The following XPOT variants were observed in gnomAD, a reference collection of about 807,000 sequenced individuals.
The protein encoded by XPOT is exportin-T.
In XPOT, 34 loss-of-function variants were observed where a neutral mutation model predicts 128.2. The observed-to-expected ratio is 0.27, with a 90% CI of 0.20 to 0.35. The LOEUF is 0.35. XPOT is among the 10% of genes least tolerant of loss of function. The pLI is 1.00. For missense variants in XPOT, 838 were observed against 1,125.3 expected, an observed-to-expected ratio of 0.74 and a Z score of 3.65; for synonymous variants, 348 against 394.3, an observed-to-expected ratio of 0.88 and a Z score of 1.39.
intron 2 of XPOT, 56 bp downstream of exon 2, chr12:64,410,151 G>C (rs1370576009): frequency 1.3e-6 from 2 of 1,547,326 alleles, no homozygotes; most frequent in African/African-American, 2.7e-5. Context: ...TGGCATTAGA[G>C]GACTTGAATA....
At chr12:64,427,210 CCT>C (rs1213238335) in intron 15 of XPOT, among the ~76,000 whole-genome samples, 2 of 150,584 alleles carry the variant, frequency 1.3e-5, no homozygotes, top group African/African-American at 4.9e-5. Context: ...ACCCCTGCCT[CCT>C]GGGTTGAAGC....
At chr12:64,413,733 T>A (rs1043097564) in intron 2 of XPOT, among the ~76,000 whole-genome samples, 3 of 152,190 alleles carry the variant, frequency 2.0e-5, no homozygotes, top group Non-Finnish European at 2.9e-5. Context: ...AAAATAACTT[T>A]ACATCTCGAT....
intron 4 of XPOT, 123 bp from the exon 5 acceptor site, chr12:64,417,923 T>G: frequency 1.6e-6 from 1 of 632,486 alleles, no homozygotes; most frequent in Non-Finnish European, 2.6e-6. Context: ...CAGTTTATGT[T>G]AGGGAACTTC....
rs1266886465 is a variant in XPOT at position 64,431,540 on chromosome 12, G to A, written c.1979G>A (p.Arg660Gln). 3.1e-6 allele frequency: 5 copies of A among 1,611,556 alleles called. No individual in the cohort carries two copies. The highest frequency in any genetic ancestry group is 2.2e-5 in the East Asian group (1 of 44,822). Reference sequence around the variant, plus strand: ...TTGCCTGATTTTTGCTTATATAGTCGAACCAGTAAAGCTTTCAGCAACAAA... The same window carrying A: ...TTGCCTGATTTTTGCTTATATAGTCAAACCAGTAAAGCTTTCAGCAACAAA... ...CLNHAVGFAS[R>Q]TSKAFSNKQT... The change falls in exon 18 of 25, where the codon CGA becomes CAA. Residue 660 changes from arginine to glutamine, a missense_variant and splice_region_variant. Arg to Gln is a conservative substitution (Grantham distance 43). This residue lies in a region of XPOT where 761 missense variants were observed against 988.3 expected (regional missense o/e 0.77). Coordinates refer to ENST00000332707, the MANE Select transcript of XPOT (RefSeq NM_007235.6).
At chr12:64,435,387 T>C (rs1041013527) in intron 21 of XPOT, among the ~76,000 whole-genome samples, 4 of 152,238 alleles carry the variant, frequency 2.6e-5, no homozygotes, top group Non-Finnish European at 5.9e-5. Flanking sequence ...GATTTCATAA[T>C]TGTAATTTAC....
At chr12:64,443,283 T>C (rs2040341491) in intron 23 of XPOT, 1 of 152,218 alleles carries the variant, frequency 6.6e-6, no homozygotes, top group South Asian at 2.1e-4. Context: ...ATCACCCTGG[T>C]CTGGGTATTG....
chr12:64,423,295 A>G (rs752672504), intron 11 of XPOT, 51 bp downstream of exon 11: 7 of 1,182,268 alleles, frequency 5.9e-6, no homozygotes, highest in Non-Finnish European at 8.3e-6. Flanking sequence ...TTATTATTAT[A>G]TCAAATTAAT....
rs768469590 is a variant in XPOT, at chr12:64,418,011, T to C, written c.201-35T>C. 5.2e-6 allele frequency: 8 copies of C among 1,543,172 alleles called. No individual in the cohort carries two copies. The East Asian group carries it at 1.1e-4, about 22-fold the overall frequency. ...TTTTTACAACCATAGACACCAAATA[T>C]AGCCATTATTCTTTTTCTTCTCTAT... On this transcript the variant is annotated intron_variant, in intron 4 of 24. Coordinates refer to ENST00000332707, the MANE Select transcript of XPOT (RefSeq NM_007235.6).
At chr12:64,422,019 A>G (rs767090669) in intron 9 of XPOT, among the ~76,000 whole-genome samples, 16 of 152,120 alleles carry the variant, frequency 1.1e-4, no homozygotes, top group Non-Finnish European at 1.8e-4. Context: ...CATGTTGGTC[A>G]GGCTGGTCTT....
intron 2 of XPOT, among the ~76,000 whole-genome samples, chr12:64,412,316 C>T (rs555865736): frequency 1.1e-4 from 16 of 152,128 alleles, no homozygotes; most frequent in African/African-American, 2.7e-4. Context: ...TGACTCACCG[C>T]GCCCAGCCTC....
intron 1 of XPOT, among the ~76,000 whole-genome samples, chr12:64,406,476 C>G (rs2136006505): frequency 6.6e-6 from 1 of 152,232 alleles, no homozygotes; most frequent in South Asian, 2.1e-4. Flanking sequence ...TCAAGCGATT[C>G]TCCTGCCTCA....
chr12:64,415,029 G>A, intron 3 of XPOT, 40 bp downstream of exon 3: 1 of 1,275,728 alleles, frequency 7.8e-7, no homozygotes, highest in Non-Finnish European at 1.1e-6. Flanking sequence ...TTAAATTTCT[G>A]TGGACATGAC....
Position 64,418,937 on chromosome 12 carries a change from T to A in XPOT, c.332T>A (p.Leu111Ter). The A allele has an allele frequency of 6.2e-7, 1 of 1,614,094 alleles. No individual in the cohort carries two copies. Among genetic ancestry groups the A allele is most frequent in the Non-Finnish European group, 8.5e-7 (1 of 1,179,974 alleles). ...AATAAAGCCGCCCAAGTCTTCGCCT[T>A]GCTTTTTGTTACAGAGTATCTCACT... Reference protein sequence around the residue: ...IRNKAAQVFALLFVTEYLTKW... With the variant: ...IRNKAAQVFA The change falls in exon 6 of 25, where the codon TTG (leucine) becomes TAG (stop). Residue 111 changes from leucine to a stop codon, truncating the protein, a stop_gained. Coordinates refer to ENST00000332707, the MANE Select transcript of XPOT (RefSeq NM_007235.6). LOFTEE classifies it high-confidence loss of function.
At chr12:64,430,323 G>A (rs2040228677) in intron 17 of XPOT, 36 bp downstream of exon 17, 2 of 1,476,718 alleles carry the variant, frequency 1.4e-6, no homozygotes, top group Admixed American at 4.6e-5. Context: ...TAAAGTGCAT[G>A]TATCTACACA....
chr12:64,435,590 T>C (rs377013142), intron 21 of XPOT, 37 bp from the exon 22 acceptor site: 9 of 1,567,058 alleles, frequency 5.7e-6, no homozygotes, highest in Non-Finnish European at 6.9e-6. Context: ...TAAACAAGAA[T>C]TGAATATATA....
At chr12:64,443,426 A>G (rs1490804821) in intron 23 of XPOT, 1 of 152,230 alleles carries the variant, frequency 6.6e-6, no homozygotes, top group Non-Finnish European at 1.5e-5. Flanking sequence ...TCTTCAGTCC[A>G]TGAACACAGC....
intron 24 of XPOT, among the ~76,000 whole-genome samples, chr12:64,447,047 G>A (rs2040372027): frequency 6.6e-6 from 1 of 152,148 alleles, no homozygotes; most frequent in Non-Finnish European, 1.5e-5. Context: ...CATCTTACGT[G>A]GATGGCAGCA....
intron 16 of XPOT, among the ~76,000 whole-genome samples, chr12:64,428,463 C>T (rs1254852936): frequency 1.3e-5 from 2 of 152,006 alleles, no homozygotes; most frequent in African/African-American, 4.8e-5. Context: ...AAAAATTCAA[C>T]TTCTAAATTA....
rs138366346 is a variant in XPOT, at chr12:64,445,789, T to C, written c.2862+658T>C. 5.0e-3 allele frequency among the ~76,000 whole-genome samples: 761 copies of C among 152,294 alleles called. 8 individuals carry two copies. The highest frequency in any genetic ancestry group is 7.9e-3 in the Non-Finnish European group (534 of 68,018). ...TCATGATCTAGAAATAAAGTTACAG[T>C]GTGACAAGGTGAATTATTTTTTATT... On this transcript the variant is annotated intron_variant, in intron 24 of 24. Transcript: ENST00000332707.
Sources: gnomAD v4.1 joint callset for allele counts (sites outside exome capture counted in the v4.1 genomes callset) on GRCh38, gnomAD v4.1.1 for gene constraint, gnomAD v4.1.1 regional missense constraint, MANE v1.5 for transcripts, NCBI Gene and HGNC (gene_info 2026-07-23, HGNC 2026-07-21) for gene names.